The following BMERB1 variants were observed in gnomAD, a reference collection of about 807,000 sequenced individuals.
BMERB1 encodes bMERB domain-containing protein 1.
A neutral mutation model predicts 23.6 loss-of-function variants in BMERB1; 12 were observed. The ratio of observed to expected loss-of-function variants is 0.51; its 90% confidence interval spans 0.33 to 0.82. The LOEUF (loss-of-function observed/expected upper bound fraction) is 0.82. BMERB1 is among the 40% of genes least tolerant of loss of function. The probability of loss-of-function intolerance (pLI) is 0.03; values close to 1 mark genes in which losing one functional copy is unlikely to be tolerated. For missense variants in BMERB1, 247 were observed against 255.4 expected, an observed-to-expected ratio of 0.97 and a Z score of 0.22; for synonymous variants, 122 against 96.6, an observed-to-expected ratio of 1.26 and a Z score of -1.54.
At chr16:15,568,760 T>C (rs1429872571) in intron 3 of BMERB1, among the ~76,000 whole-genome samples, 3 of 152,246 alleles carry the variant, frequency 2.0e-5, no homozygotes, top group Non-Finnish European at 4.4e-5. Flanking sequence ...TGACCATTAT[T>C]ATCCTACTTG....
chr16:15,480,274 G>A (rs1420767001), intron 1 of BMERB1, among the ~76,000 whole-genome samples: 1 of 151,576 alleles, frequency 6.6e-6, no homozygotes, highest in Non-Finnish European at 1.5e-5. Context: ...ACTATGCCCG[G>A]CTAATTTGTT....
intron 1 of BMERB1, among the ~76,000 whole-genome samples, chr16:15,482,124 G>T (rs2051327400): frequency 1.3e-5 from 2 of 152,086 alleles, no homozygotes; most frequent in African/African-American, 4.8e-5. Flanking sequence ...CACTGCCATT[G>T]ATATTGGCAA....
At chr16:15,454,865 C>G (rs550162689) in intron 1 of BMERB1, among the ~76,000 whole-genome samples, 1 of 151,874 alleles carries the variant, frequency 6.6e-6, no homozygotes, top group African/African-American at 2.4e-5. Flanking sequence ...AAATGGAGAT[C>G]AATGCTCAGT....
chr16:15,514,802 C>T (rs937315436), intron 1 of BMERB1, among the ~76,000 whole-genome samples: 2 of 148,662 alleles, frequency 1.3e-5, no homozygotes, highest in East Asian at 2.0e-4. Flanking sequence ...AAAACAAGGC[C>T]GGGTGCAGTG....
chr16:15,582,893 G>T (rs1452465224), intron 4 of BMERB1, among the ~76,000 whole-genome samples: 1 of 152,162 alleles, frequency 6.6e-6, no homozygotes, highest in East Asian at 1.9e-4. Flanking sequence ...CCCCCCAGCA[G>T]GGTCCTGTAA....
chr16:15,507,193 C>T (rs1598479510), intron 1 of BMERB1, among the ~76,000 whole-genome samples: 1 of 152,322 alleles, frequency 6.6e-6, no homozygotes, highest in East Asian at 1.9e-4. Flanking sequence ...AGCAGTTTAA[C>T]CCTCCAAGCT....
chr16:15,586,802 C>A lies in BMERB1; in HGVS notation c.588C>A (p.Cys196Ter). ...GGCTGGCACTGATCAAGGATTGTTG[C>A]GGGGCCACCCAGTGCAACATCATGT... is the stretch of plus-strand genomic sequence containing the variant. ...KTGLALIKDC[C>*]GATQCNIM The change falls in exon 6 of 6, where the codon TGC (cysteine) becomes TGA (stop). Residue 196 changes from cysteine to a stop codon, truncating the protein, a stop_gained. Transcript: ENST00000300006. LOFTEE classifies it high-confidence loss of function. The A allele has an allele frequency of 1.2e-6, 2 of 1,609,818 alleles. No homozygotes were observed. Among genetic ancestry groups the A allele is most frequent in the Non-Finnish European group, 1.7e-6 (2 of 1,178,524 alleles).
At position 15,586,699 on chromosome 16, in the gene BMERB1, G is replaced by A; in HGVS notation, c.503-18G>A. The A allele has an allele frequency of 6.3e-7, 1 of 1,586,208 alleles. No homozygotes were observed. Among genetic ancestry groups the A allele is most frequent in the Non-Finnish European group, 8.6e-7 (1 of 1,163,992 alleles). On this transcript the variant is annotated intron_variant, in intron 5 of 5. Transcript: ENST00000300006. The stretch of plus-strand genomic sequence containing the variant: ...TGTTCCTTTCTCCCCCTCTCCCTGT[G>A]CCCACATCTTGCTGCAGGCTCCCGG...
In BMERB1 at chr16:15,529,793, G is replaced by A. The variant is rs575994995; in HGVS notation, c.230+14365G>A. Among the ~76,000 whole-genome samples, 29 of 152,300 alleles carry A rather than the reference G, an allele frequency of 1.9e-4. No homozygotes were observed. In the South Asian group the frequency reaches 6.0e-3, roughly 32 times the overall value. Reference sequence around the variant, plus strand: ...AACTGCCTGGCTCTCTGATGGTTAGGGTGAACAGTGGGTCCATTCATAGGA... The same window carrying A: ...AACTGCCTGGCTCTCTGATGGTTAGAGTGAACAGTGGGTCCATTCATAGGA... On this transcript the variant is annotated intron_variant, in intron 2 of 5. Coordinates refer to ENST00000300006, the MANE Select transcript of BMERB1 (RefSeq NM_033201.3).
In BMERB1 at chr16:15,484,554, G is replaced by A. The variant is rs977460710; in HGVS notation, c.107-30751G>A. ...ATAGCTGGGACTACAGGCACACACC[G>A]CCACACCCGGCTAATTTTTGTATTT... On this transcript the variant is annotated intron_variant, in intron 1 of 5. Coordinates refer to ENST00000300006, the MANE Select transcript of BMERB1 (RefSeq NM_033201.3). Among the ~76,000 whole-genome samples, 11 of 151,874 alleles carry A rather than the reference G, an allele frequency of 7.2e-5. No homozygotes were observed. In the Middle Eastern group the frequency reaches 0.014, roughly 188 times the overall value.
chr16:15,539,981 C>G (rs970327782), intron 2 of BMERB1, among the ~76,000 whole-genome samples: 1 of 151,928 alleles, frequency 6.6e-6, no homozygotes, highest in Non-Finnish European at 1.5e-5. Context: ...GGCAACATGA[C>G]GAAACTCCGT....
intron 1 of BMERB1, among the ~76,000 whole-genome samples, chr16:15,445,682 T>A (rs1463768799): frequency 6.6e-6 from 1 of 152,192 alleles, no homozygotes; most frequent in Non-Finnish European, 1.5e-5. Flanking sequence ...CATGCCTTGC[T>A]GGTAGGAATG....
chr16:15,436,089 A>G (rs1475751700), intron 1 of BMERB1, among the ~76,000 whole-genome samples: 1 of 152,110 alleles, frequency 6.6e-6, no homozygotes, highest in African/African-American at 2.4e-5. Flanking sequence ...TTTATGGAAT[A>G]CATGAGATAT....
intron 2 of BMERB1, among the ~76,000 whole-genome samples, chr16:15,527,606 A>AAAAAT (rs1248221799): frequency 6.6e-6 from 1 of 152,142 alleles, no homozygotes; most frequent in Admixed American, 6.5e-5. Context: ...ATCCGTCTCA[A>AAAAAT]AAAATAAAAT....
chr16:15,487,099 C>T (rs2051375379), intron 1 of BMERB1, among the ~76,000 whole-genome samples: 1 of 152,114 alleles, frequency 6.6e-6, no homozygotes, highest in Non-Finnish European at 1.5e-5. Flanking sequence ...GAAAATAGGG[C>T]TGAATAACCA....
At position 15,587,436 on chromosome 16, in the gene BMERB1, T is replaced by C; in HGVS notation, c.*607T>C. On this transcript the variant is annotated 3_prime_UTR_variant, in exon 6 of 6. Coordinates refer to ENST00000300006, the MANE Select transcript of BMERB1 (RefSeq NM_033201.3). ...GTGGTGTCGTGGTCACATCTCCCGC[T>C]TCCCCCCATCCTGTGTCTGGGCACA... 3.2e-6 allele frequency: 1 copy of C among 313,140 alleles called. No individual in the cohort carries two copies. Among genetic ancestry groups the C allele is most frequent in the South Asian group, 2.3e-5 (1 of 42,666 alleles). 19.4% of individuals were successfully genotyped at this position (313,140 alleles called of 1,614,324 possible). A position where few individuals can be genotyped will look rare whatever the true frequency, so the allele number is the denominator to read the frequency against.
chr16:15,581,496 T>C (rs1187457732), intron 4 of BMERB1, 165 bp downstream of exon 4: 4 of 546,262 alleles, frequency 7.3e-6, no homozygotes, highest in Non-Finnish European at 1.3e-5. Context: ...GCCTTCTGGC[T>C]TGAGAATTCA....
chr16:15,541,749 C>T (rs2052084168), intron 2 of BMERB1, among the ~76,000 whole-genome samples: 2 of 150,342 alleles, frequency 1.3e-5, no homozygotes, highest in Admixed American at 1.3e-4. Context: ...CTACAGGCGC[C>T]TGCCACCATG....
At chr16:15,553,320 T>C (rs1334835193) in intron 2 of BMERB1, among the ~76,000 whole-genome samples, 1 of 152,184 alleles carries the variant, frequency 6.6e-6, no homozygotes, top group Non-Finnish European at 1.5e-5. Flanking sequence ...AAACGTTTTT[T>C]TAAAATTACC....
Sources: gnomAD v4.1 joint callset for allele counts (sites outside exome capture counted in the v4.1 genomes callset) on GRCh38, gnomAD v4.1.1 for gene constraint, MANE v1.5 for transcripts, NCBI Gene and HGNC (gene_info 2026-07-23, HGNC 2026-07-21) for gene names.